TBC1D22A: variants seen among roughly 807,000 people sequenced by gnomAD.
TBC1D22A encodes putative GTPase activator.
Under a neutral mutation model 60.2 loss-of-function variants are expected in TBC1D22A, and 38 were observed. The ratio of observed to expected loss-of-function variants is 0.63; its 90% confidence interval spans 0.49 to 0.83. TBC1D22A has a LOEUF of 0.83. Among genes scored for constraint, TBC1D22A ranks in the 40% least tolerant of loss-of-function variants. TBC1D22A has a pLI of 0.00. For missense variants in TBC1D22A, 628 were observed against 701.0 expected (o/e 0.90, Z 1.18); for synonymous variants, 302 against 281.7 (o/e 1.07, Z -0.72).
intron 4 of TBC1D22A, among the ~76,000 whole-genome samples, chr22:46,828,321 G>A (rs2086159434): frequency 6.6e-6 from 1 of 152,250 alleles, no homozygotes; most frequent in South Asian, 2.1e-4. Context: ...AGGAATTAAA[G>A]ATTGAAAAGG....
At chr22:46,963,806 G>A (rs1181827531) in intron 8 of TBC1D22A, among the ~76,000 whole-genome samples, 1 of 152,334 alleles carries the variant, frequency 6.6e-6, no homozygotes, top group Middle Eastern at 3.4e-3. Context: ...GGCTGGTGCC[G>A]TGGGCAAGCT....
intron 4 of TBC1D22A, among the ~76,000 whole-genome samples, chr22:46,850,187 G>T (rs1489689619): frequency 6.6e-6 from 1 of 152,174 alleles, no homozygotes; most frequent in Non-Finnish European, 1.5e-5. Flanking sequence ...GTGCTGAGGG[G>T]CACGCAGGAG....
At position 46,769,217 on chromosome 22, in the gene TBC1D22A, T is replaced by TG. The variant is rs553258280; in HGVS notation, c.62+6370dup. 1.3e-3 allele frequency among the ~76,000 whole-genome samples: 193 copies of TG among 152,286 alleles called. 1 individual carries two copies. Among genetic ancestry groups the TG allele is most frequent in the Non-Finnish European group, 2.6e-4 (18 of 68,022 alleles). The stretch of plus-strand genomic sequence containing the variant: ...AAGAGGGTTCTTAGTGATGTGGCTC[T>TG]GACAGCCTTCAGCTTACATTGCCAG... On this transcript the variant is annotated intron_variant, in intron 1 of 12. Transcript: ENST00000337137.
chr22:46,997,725 G>A lies in TBC1D22A; in HGVS notation c.1201+16G>A, dbSNP rs377644557. ...CGGATTGATGGTAAGCCAGCTTCCC[G>A]CGCAGCCCCTCTCTGTGGGCGGGGG... On this transcript the variant is annotated intron_variant, in intron 10 of 12. Coordinates refer to ENST00000337137, the MANE Select transcript of TBC1D22A (RefSeq NM_014346.5). 17 of 1,613,108 alleles carry A rather than the reference G, an allele frequency of 1.1e-5. No individual in the cohort carries two copies. Among genetic ancestry groups the A allele is most frequent in the East Asian group, 8.9e-5 (4 of 44,884 alleles).
intron 8 of TBC1D22A, among the ~76,000 whole-genome samples, chr22:46,969,509 A>G (rs2073963590): frequency 6.6e-6 from 1 of 152,236 alleles, no homozygotes; most frequent in South Asian, 2.1e-4. Context: ...AGGTTAGTTA[A>G]ATCATCCCCC....
rs57116517 is a variant in TBC1D22A, at chr22:46,904,142, T to TCTATCTATCTATCTGC, written c.901-7929_901-7928insTCTATCTATCTGCCTA. 8.4e-4 allele frequency among the ~76,000 whole-genome samples: 113 copies of TCTATCTATCTATCTGC among 134,572 alleles called. 2 individuals carry two copies. The highest frequency in any genetic ancestry group is 3.7e-3 in the Middle Eastern group (1 of 270). 88.3% of individuals were successfully genotyped at this position (134,572 alleles called of 152,430 possible). On this transcript the variant is annotated intron_variant, in intron 7 of 12. Coordinates refer to ENST00000337137, the MANE Select transcript of TBC1D22A (RefSeq NM_014346.5). ...ATCTATCTATCTATCTATCTATCTATCTACCTACCTACCTACCTACCTACC... is the reference window on the plus strand; with the variant it reads ...ATCTATCTATCTATCTATCTATCTATCTATCTATCTATCTGCCTACCTACCTACCTACCTACCTACC...
intron 8 of TBC1D22A, among the ~76,000 whole-genome samples, chr22:46,935,724 C>T (rs1049539434): frequency 6.6e-6 from 1 of 152,212 alleles, no homozygotes. Flanking sequence ...CCATTCTCTT[C>T]CTCAAAGATG....
At chr22:46,769,093 C>CCA (rs2083396562) in intron 1 of TBC1D22A, among the ~76,000 whole-genome samples, 1 of 72,656 alleles carries the variant, frequency 1.4e-5, no homozygotes, top group Non-Finnish European at 2.5e-5. Context: ...GACTCTGTCT[C>CCA]AAAAAAAAAA....
At chr22:46,798,453 C>A (rs1220141257) in intron 4 of TBC1D22A, among the ~76,000 whole-genome samples, 1 of 152,236 alleles carries the variant, frequency 6.6e-6, no homozygotes, top group East Asian at 1.9e-4. Flanking sequence ...AGCACAGTCA[C>A]CAGTGTGACT....
intron 8 of TBC1D22A, among the ~76,000 whole-genome samples, chr22:46,965,518 C>T (rs905907028): frequency 2.6e-5 from 4 of 152,218 alleles, no homozygotes; most frequent in Admixed American, 6.5e-5. Context: ...AGAATGCATT[C>T]GTCATCTCCG....
chr22:47,013,247 G>C (rs1389420853), intron 10 of TBC1D22A, among the ~76,000 whole-genome samples: 2 of 152,116 alleles, frequency 1.3e-5, no homozygotes. Flanking sequence ...ACCAGGAAGT[G>C]GTGGTGACCA....
intron 10 of TBC1D22A, among the ~76,000 whole-genome samples, chr22:47,019,991 C>G (rs1485527710): frequency 6.6e-6 from 1 of 151,542 alleles, no homozygotes. Flanking sequence ...CCTCCATCCT[C>G]CCCTCTCCCT....
At chr22:46,923,216 C>G (rs1046672764) in intron 8 of TBC1D22A, among the ~76,000 whole-genome samples, 1 of 152,240 alleles carries the variant, frequency 6.6e-6, no homozygotes, top group Non-Finnish European at 1.5e-5. Context: ...GTTGAGAAGA[C>G]TTATTGAAGC....
intron 4 of TBC1D22A, among the ~76,000 whole-genome samples, chr22:46,828,867 C>T (rs2086185872): frequency 6.6e-6 from 1 of 152,232 alleles, no homozygotes; most frequent in Non-Finnish European, 1.5e-5. Context: ...CGCTCATTTC[C>T]TTTGTGCCTG....
chr22:46,976,569 C>T (rs534759253), intron 9 of TBC1D22A, among the ~76,000 whole-genome samples: 4 of 152,314 alleles, frequency 2.6e-5, no homozygotes, highest in East Asian at 3.9e-4. Context: ...ACACGCAGAC[C>T]GGCGTGTCAG....
chr22:47,067,206 C>T (rs2063805607), intron 11 of TBC1D22A, among the ~76,000 whole-genome samples: 1 of 152,154 alleles, frequency 6.6e-6, no homozygotes, highest in East Asian at 1.9e-4. Context: ...GTGGAGGTTG[C>T]AGTGAGCCGA....
rs1348733677 is a variant in TBC1D22A, at chr22:47,009,215, G to C, written c.1201+11506G>C. Among the ~76,000 whole-genome samples the C allele has an allele frequency of 6.6e-6, 1 of 152,092 alleles. No individual in the cohort carries two copies. The highest frequency in any genetic ancestry group is 1.5e-5 in the Non-Finnish European group (1 of 68,020). On this transcript the variant is annotated intron_variant, in intron 10 of 12. Coordinates refer to ENST00000337137, the MANE Select transcript of TBC1D22A (RefSeq NM_014346.5). The surrounding 1 kb of genome is among the most constrained non-coding windows in gnomAD (Gnocchi z 5.8). Reference sequence around the variant, plus strand: ...GCCTGGCACACTTAAGTCTCATGCAGTGTTAGTACCCATTATTGTCATTAT... The same window carrying C: ...GCCTGGCACACTTAAGTCTCATGCACTGTTAGTACCCATTATTGTCATTAT...
At chr22:47,143,886 C>T (rs892277724) in intron 12 of TBC1D22A, among the ~76,000 whole-genome samples, 1 of 152,238 alleles carries the variant, frequency 6.6e-6, no homozygotes. Flanking sequence ...ATAGAAACAC[C>T]GGAAACACGT....
At chr22:47,133,848 G>A (rs896401782) in intron 12 of TBC1D22A, among the ~76,000 whole-genome samples, 2 of 152,208 alleles carry the variant, frequency 1.3e-5, no homozygotes, top group East Asian at 1.9e-4. Context: ...ACACGGCCCC[G>A]GGCATCCTCG....
Sources: allele counts gnomAD v4.1 joint callset (sites outside exome capture counted in the v4.1 genomes callset), GRCh38; gene constraint gnomAD v4.1.1; non-coding constraint Gnocchi (gnomAD v3.1); transcripts MANE v1.5; gene names NCBI Gene and HGNC (gene_info 2026-07-23, HGNC 2026-07-21).